Variants in EYS observed in about 807,000 individuals in gnomAD.
The protein encoded by EYS is EGF-like photoreceptor maintenance factor, also known as protein eyes shut homolog.
In EYS, 250 loss-of-function variants were observed where a neutral mutation model predicts 282.1. That is an observed-to-expected ratio of 0.89 (90% confidence interval 0.80 to 0.98). The LOEUF (loss-of-function observed/expected upper bound fraction) is 0.98. Among genes scored for constraint, EYS ranks in the 50% least tolerant of loss-of-function variants. The pLI is 0.00. For missense variants in EYS, 4,016 were observed against 3,709.0 expected, an observed-to-expected ratio of 1.08 and a Z score of -2.15; for synonymous variants, 1,355 against 1,282.9, an observed-to-expected ratio of 1.06 and a Z score of -1.20.
At chr6:64,389,545 A>G (rs374023890) in intron 28 of EYS, among the ~76,000 whole-genome samples, 1 of 152,216 alleles carries the variant, frequency 6.6e-6, no homozygotes, top group South Asian at 2.1e-4. Context: ...AATAAACTTT[A>G]ATTGGCACAC....
At chr6:63,772,603 A>G (rs1344802899) in intron 40 of EYS, among the ~76,000 whole-genome samples, 2 of 152,104 alleles carry the variant, frequency 1.3e-5, no homozygotes, top group African/African-American at 4.8e-5. Context: ...GTATAGTCAA[A>G]ATATTGTGTT....
intron 28 of EYS, among the ~76,000 whole-genome samples, chr6:64,420,649 G>GCTTC (rs1327621155): frequency 6.6e-6 from 1 of 152,158 alleles, no homozygotes; most frequent in African/African-American, 2.4e-5. Context: ...TTTATGCCCT[G>GCTTC]CTTCCTCTTG....
chr6:64,950,126 T>C (rs1475708950), intron 14 of EYS, among the ~76,000 whole-genome samples: 3 of 151,972 alleles, frequency 2.0e-5, no homozygotes, highest in African/African-American at 7.2e-5. Flanking sequence ...AATCCAGCAA[T>C]ATGTAATTTA....
rs140773130 is a variant in EYS, at chr6:63,935,680, C to G, written c.7055+48703G>C. ...CTTCAGAAGGAGCCAACTCTGCAAA[C>G]CCTTGGTATTGGACTTCTAACCTAC... On this transcript the variant is annotated intron_variant, in intron 35 of 42. Coordinates refer to ENST00000503581, the MANE Select transcript of EYS (RefSeq NM_001142800.2). Among the ~76,000 whole-genome samples, 204 of 152,312 alleles carry G rather than the reference C, an allele frequency of 1.3e-3. 1 individual carries two copies. The highest frequency in any genetic ancestry group is 4.4e-3 in the African/African-American group (181 of 41,562).
intron 35 of EYS, among the ~76,000 whole-genome samples, chr6:63,896,249 C>T (rs989881276): frequency 6.6e-6 from 1 of 152,136 alleles, no homozygotes; most frequent in African/African-American, 2.4e-5. Flanking sequence ...TCCACTGTAT[C>T]GTGTAAGCAG....
chr6:65,145,176 C>T (rs946731543), intron 12 of EYS, among the ~76,000 whole-genome samples: 1 of 151,938 alleles, frequency 6.6e-6, no homozygotes, highest in African/African-American at 2.4e-5. Flanking sequence ...GAAAATTGTT[C>T]ACAGATTTTA....
intron 2 of EYS, among the ~76,000 whole-genome samples, chr6:65,564,258 G>C (rs2127347433): frequency 6.6e-6 from 1 of 152,064 alleles, no homozygotes; most frequent in Middle Eastern, 3.4e-3. Flanking sequence ...TCTTCAAAGA[G>C]TTAGAAAAAA....
chr6:64,443,369 T>C (rs926499584), intron 26 of EYS, among the ~76,000 whole-genome samples: 1 of 152,200 alleles, frequency 6.6e-6, no homozygotes, highest in Admixed American at 6.5e-5. Context: ...GGGGAGGGAC[T>C]TGCCTTGTCT....
chr6:65,616,452 C>T (rs184465204), intron 2 of EYS, among the ~76,000 whole-genome samples: 28 of 151,696 alleles, frequency 1.8e-4, no homozygotes, highest in Admixed American at 1.1e-3. Flanking sequence ...TTTATTGAAC[C>T]AGAGAATTTA....
intron 30 of EYS, among the ~76,000 whole-genome samples, chr6:64,252,672 C>T (rs1767260719): frequency 6.6e-6 from 1 of 152,176 alleles, no homozygotes; most frequent in South Asian, 2.1e-4. Context: ...CTCTTCTCTG[C>T]TTTGTCCTAC....
intron 31 of EYS, among the ~76,000 whole-genome samples, chr6:64,126,796 C>A (rs1461459684): frequency 6.6e-6 from 1 of 151,562 alleles, no homozygotes; most frequent in South Asian, 2.1e-4. Context: ...TATATATTTA[C>A]ATATATTTAA....
At chr6:63,997,773 C>T (rs1210591891) in intron 34 of EYS, among the ~76,000 whole-genome samples, 3 of 152,112 alleles carry the variant, frequency 2.0e-5, no homozygotes, top group Non-Finnish European at 4.4e-5. Context: ...TGAGCACTTA[C>T]TGGATTCTAT....
At chr6:64,576,867 G>T (rs1056096400) in intron 26 of EYS, among the ~76,000 whole-genome samples, 1 of 152,032 alleles carries the variant, frequency 6.6e-6, no homozygotes, top group Non-Finnish European at 1.5e-5. Flanking sequence ...ACATGTTAAA[G>T]TCTCAACTTC....
chr6:65,376,521 T>C (rs946771532), intron 8 of EYS, among the ~76,000 whole-genome samples: 5 of 152,134 alleles, frequency 3.3e-5, no homozygotes, highest in Non-Finnish European at 7.4e-5. Context: ...AATTCACACA[T>C]ACCAATATTA....
intron 12 of EYS, among the ~76,000 whole-genome samples, chr6:65,207,858 A>T (rs190346407): frequency 6.6e-6 from 1 of 151,872 alleles, no homozygotes; most frequent in East Asian, 1.9e-4. Context: ...CACTAACAGT[A>T]TATACAAATT....
intron 2 of EYS, among the ~76,000 whole-genome samples, chr6:65,625,503 T>A (rs762948971): frequency 2.0e-5 from 3 of 152,198 alleles, no homozygotes; most frequent in Non-Finnish European, 4.4e-5. Context: ...AACAAAAACA[T>A]GTTAATTTTG....
At chr6:64,221,625 A>G (rs1766106501) in intron 31 of EYS, among the ~76,000 whole-genome samples, 1 of 152,116 alleles carries the variant, frequency 6.6e-6, no homozygotes, top group African/African-American at 2.4e-5. Context: ...CCTCAGTTTC[A>G]GTTACTCCAT....
intron 11 of EYS, chr6:65,301,056 T>C (rs1325436189): frequency 2.0e-5 from 3 of 152,264 alleles, no homozygotes; most frequent in African/African-American, 7.2e-5. Flanking sequence ...GACTGATGAG[T>C]ACAATGCCTG....
intron 30 of EYS, among the ~76,000 whole-genome samples, chr6:64,303,597 C>G (rs989973877): frequency 6.6e-6 from 1 of 152,028 alleles, no homozygotes; most frequent in Non-Finnish European, 1.5e-5. Flanking sequence ...AATCCCAGCA[C>G]TTTGGGAGGC....
Sources: allele counts gnomAD v4.1 joint callset (sites outside exome capture counted in the v4.1 genomes callset), GRCh38; gene constraint gnomAD v4.1.1; transcripts MANE v1.5; gene names NCBI Gene and HGNC (gene_info 2026-07-23, HGNC 2026-07-21).